Variants in RASA1 observed in about 807,000 individuals in gnomAD.
RASA1 encodes the protein RAS p21 protein activator 1.
Under a neutral mutation model 132.2 loss-of-function variants are expected in RASA1, and 25 were observed. The observed-to-expected ratio is 0.19, with a 90% CI of 0.14 to 0.26. The LOEUF (loss-of-function observed/expected upper bound fraction) is 0.26, where lower values mean the gene tolerates loss of function less well. Among genes scored for constraint, RASA1 ranks in the 10% least tolerant of loss-of-function variants. The pLI is 1.00. For synonymous variants in RASA1, 477 were observed against 449.9 expected (o/e 1.06, Z -0.76); for missense variants, 964 against 1,299.2 (o/e 0.74, Z 3.97).
At chr5:87,351,339 GA>G (rs1759260504) in intron 8 of RASA1, among the ~76,000 whole-genome samples, 1 of 151,740 alleles carries the variant, frequency 6.6e-6, no homozygotes, top group African/African-American at 2.4e-5. Flanking sequence ...TATTAGAAAA[GA>G]AAGTATGGTA....
At chr5:87,379,106 A>C (rs1761529842) in intron 18 of RASA1, among the ~76,000 whole-genome samples, 1 of 152,206 alleles carries the variant, frequency 6.6e-6, no homozygotes, top group Non-Finnish European at 1.5e-5. Context: ...TATAAAAATC[A>C]GTTTAAGGAA....
At chr5:87,351,582 T>C (rs1759281167) in intron 8 of RASA1, among the ~76,000 whole-genome samples, 1 of 151,770 alleles carries the variant, frequency 6.6e-6, no homozygotes, top group Non-Finnish European at 1.5e-5. Context: ...ATTTCAAAAG[T>C]AAGTTTACAT....
At position 87,267,951 on chromosome 5, in the gene RASA1, G is replaced by GC. The variant is rs1344168726; in HGVS notation, c.-494dup. On this transcript the variant is annotated 5_prime_UTR_variant, in exon 1 of 25. Coordinates refer to ENST00000274376, the MANE Select transcript of RASA1 (RefSeq NM_002890.3). ...TCGTTACCCCGCCCCCCTTTCTCTT[G>GC]CCCCCCCACCCCTCTCATCTGCCTG... 3.0e-4 allele frequency: 107 copies of GC among 357,744 alleles called. No homozygotes were observed. The highest frequency in any genetic ancestry group is 3.1e-4 in the South Asian group (2 of 6,464). The allele number at this position is 357,744 out of a possible 1,614,324, so 22.2% of individuals were successfully genotyped here.
rs750171148 is a variant in RASA1 at position 87,278,495 on chromosome 5, G to A, written c.539+9505G>A. 3.3e-5 allele frequency among the ~76,000 whole-genome samples: 5 copies of A among 151,894 alleles called. No individual in the cohort carries two copies. In the South Asian group the frequency reaches 6.3e-4, roughly 19 times the overall value. On this transcript the variant is annotated intron_variant, in intron 1 of 24. Transcript: ENST00000274376. ...TGGGAGGCAGAGTTTGCAGTGAGCCGAGATCATGCCACTGCACTCCAGCCT... is the reference window on the plus strand; with the variant it reads ...TGGGAGGCAGAGTTTGCAGTGAGCCAAGATCATGCCACTGCACTCCAGCCT...
Position 87,391,723 on chromosome 5 carries a change from A to T in RASA1, c.*840A>T. 1 of 231,438 alleles carries T rather than the reference A, an allele frequency of 4.3e-6. No individual in the cohort carries two copies. The highest frequency in any genetic ancestry group is 1.8e-4 in the South Asian group (1 of 5,546). 14.3% of individuals were successfully genotyped at this position (231,438 alleles called of 1,614,324 possible). A position where few individuals can be genotyped will look rare whatever the true frequency, so the allele number is the denominator to read the frequency against. On this transcript the variant is annotated 3_prime_UTR_variant, in exon 25 of 25. Transcript: ENST00000274376. ...TGCTTTTGTTAAAAGTTATTTGTTCATTATTTGTGCTACCCCTTTGATTAT... is the reference window on the plus strand; with the variant it reads ...TGCTTTTGTTAAAAGTTATTTGTTCTTTATTTGTGCTACCCCTTTGATTAT...
intron 5 of RASA1, among the ~76,000 whole-genome samples, chr5:87,340,799 T>C (rs985914049): frequency 2.6e-5 from 4 of 152,046 alleles, no homozygotes; most frequent in African/African-American, 7.2e-5. Flanking sequence ...GAACAAAAAG[T>C]ACAAGCTACA....
chr5:87,307,392 C>T (rs1345689828), intron 1 of RASA1, among the ~76,000 whole-genome samples: 2 of 152,004 alleles, frequency 1.3e-5, no homozygotes, highest in Non-Finnish European at 2.9e-5. Context: ...ACCCGGGAGG[C>T]GGAGCTTGCA....
chr5:87,348,641 T>A (rs976443866), intron 7 of RASA1, among the ~76,000 whole-genome samples: 4 of 146,016 alleles, frequency 2.7e-5, no homozygotes, highest in African/African-American at 9.9e-5. Context: ...TACTTTTTAA[T>A]TTTTTTTTTT....
At position 87,346,735 on chromosome 5, in the gene RASA1, A is replaced by G; in HGVS notation, c.1102+11A>G. On this transcript the variant is annotated intron_variant, in intron 7 of 24. Transcript: ENST00000274376. ...ATTTACTAATGACAGGTACTTACAT[A>G]TTTACTTGCTTTTCTAATGTCTATT... The G allele has an allele frequency of 6.6e-7, 1 of 1,526,022 alleles. No individual in the cohort carries two copies. The highest frequency in any genetic ancestry group is 9.1e-7 in the Non-Finnish European group (1 of 1,102,536). 94.5% of individuals were successfully genotyped at this position (1,526,022 alleles called of 1,614,324 possible). A position where few individuals can be genotyped will look rare whatever the true frequency, so the allele number is the denominator to read the frequency against.
chr5:87,369,491 G>C (rs1760769347), intron 11 of RASA1, among the ~76,000 whole-genome samples: 2 of 152,166 alleles, frequency 1.3e-5, no homozygotes, highest in South Asian at 4.1e-4. Flanking sequence ...TGCATATAAA[G>C]CTTTTCAAAT....
Position 87,349,450 on chromosome 5 carries a change from TAA to T in RASA1, c.1253+89_1253+90del, listed in dbSNP as rs1038333428. 42 of 1,438,774 alleles carry T rather than the reference TAA, an allele frequency of 2.9e-5. No individual in the cohort carries two copies. In the African/African-American group the frequency reaches 5.6e-4, roughly 19 times the overall value. 89.1% of individuals were successfully genotyped at this position (1,438,774 alleles called of 1,614,324 possible). ...TACAGTATTCAGAGTCAAAATTATA[TAA>T]AAGTTTCTAACTTCTAAAAATTATA... On this transcript the variant is annotated intron_variant, in intron 8 of 24. Transcript: ENST00000274376.
rs138133487 is a variant in RASA1 at position 87,316,589 on chromosome 5, C to T, written c.540-14759C>T. Among the ~76,000 whole-genome samples, 254 of 152,196 alleles carry T rather than the reference C, an allele frequency of 1.7e-3. 1 individual carries two copies. Among genetic ancestry groups the T allele is most frequent in the African/African-American group, 5.9e-3 (244 of 41,518 alleles). Reference sequence around the variant, plus strand: ...TTCTCTGAAATTTCTAGACCTGTCCCACAGAGACTTGAGGATTGAGAACAT... The same window carrying T: ...TTCTCTGAAATTTCTAGACCTGTCCTACAGAGACTTGAGGATTGAGAACAT... On this transcript the variant is annotated intron_variant, in intron 1 of 24. Coordinates refer to ENST00000274376, the MANE Select transcript of RASA1 (RefSeq NM_002890.3).
At chr5:87,361,901 A>G (rs1760126551) in intron 9 of RASA1, among the ~76,000 whole-genome samples, 1 of 152,162 alleles carries the variant, frequency 6.6e-6, no homozygotes, top group African/African-American at 2.4e-5. Context: ...TACCTTGAAA[A>G]AAGAGGTACA....
chr5:87,346,807 T>A (rs1207442665), intron 7 of RASA1, 83 bp downstream of exon 7: 1 of 1,105,366 alleles, frequency 9.0e-7, no homozygotes, highest in African/African-American at 1.6e-5. Context: ...GTGTTTTGCC[T>A]TTAGCATTCA....
Position 87,383,696 on chromosome 5 carries a change from AT to A in RASA1, c.2691-14del. On this transcript the variant is annotated splice_polypyrimidine_tract_variant and intron_variant, in intron 20 of 24. Coordinates refer to ENST00000274376, the MANE Select transcript of RASA1 (RefSeq NM_002890.3). ...TGTTTTCTAAAAAAAAAAAAAAAAA[AT>A]TTCCCTCCCATTCAGTGGTTTTGTT... 1.3e-6 allele frequency: 2 copies of A among 1,517,602 alleles called. No individual in the cohort carries two copies. The highest frequency in any genetic ancestry group is 1.2e-5 in the South Asian group (1 of 84,038). The allele number at this position is 1,517,602 out of a possible 1,614,324, so 94.0% of individuals were successfully genotyped here.
chr5:87,374,453 A>T, intron 14 of RASA1, 133 bp downstream of exon 14: 2 of 269,920 alleles, frequency 7.4e-6, no homozygotes, highest in Non-Finnish European at 1.2e-5. Flanking sequence ...ATATATATAT[A>T]TATATATTTT....
Position 87,338,028 on chromosome 5 carries a change from G to A in RASA1, c.954G>A (p.Met318Ile), listed in dbSNP as rs750646686. 6 of 1,612,160 alleles carry A rather than the reference G, an allele frequency of 3.7e-6. No individual in the cohort carries two copies. The highest frequency in any genetic ancestry group is 5.1e-6 in the Non-Finnish European group (6 of 1,178,994). ...ATAATGAATTAGAAGATGGATGGAT[G>A]TGGGTTACAAATTTAAGAACAGATG... The part of the protein sequence containing the change: ...IVHNELEDGW[M>I]WVTNLRTDEQ... The change falls in exon 5 of 25, where the codon ATG (methionine) becomes ATA (isoleucine). Residue 318 changes from methionine to isoleucine, a missense_variant. This residue lies in a region of RASA1 where 154 missense variants were observed against 286.5 expected (regional missense o/e 0.54). Transcript: ENST00000274376.
At chr5:87,314,088 G>T (rs184374928) in intron 1 of RASA1, among the ~76,000 whole-genome samples, 1 of 152,286 alleles carries the variant, frequency 6.6e-6, no homozygotes. Flanking sequence ...CAGGAGAATC[G>T]CTTGAACCCG....
At chr5:87,361,731 A>G (rs1760109124) in intron 9 of RASA1, among the ~76,000 whole-genome samples, 1 of 152,184 alleles carries the variant, frequency 6.6e-6, no homozygotes, top group South Asian at 2.1e-4. Context: ...AAATTAGGCA[A>G]TCAAAACCAC....
Sources: allele counts gnomAD v4.1 joint callset (sites outside exome capture counted in the v4.1 genomes callset), GRCh38; gene constraint gnomAD v4.1.1; regional missense constraint gnomAD v4.1.1; transcripts MANE v1.5; gene names NCBI Gene and HGNC (gene_info 2026-07-23, HGNC 2026-07-21).